Variants in CHCHD6 observed in about 807,000 individuals in gnomAD.
The protein encoded by CHCHD6 is MICOS complex subunit MIC25.
Under a neutral mutation model 32.3 loss-of-function variants are expected in CHCHD6, and 28 were observed. The observed-to-expected ratio is 0.87, with a 90% CI of 0.64 to 1.19. The LOEUF is 1.19. Among genes scored for constraint, CHCHD6 ranks in the 50% most tolerant of loss-of-function variants. The pLI is 0.00. For missense variants in CHCHD6, 333 were observed against 307.0 expected (o/e 1.08, Z -0.63); for synonymous variants, 122 against 117.5 (o/e 1.04, Z -0.25).
intron 4 of CHCHD6, among the ~76,000 whole-genome samples, chr3:126,740,539 C>G (rs1343564580): frequency 1.3e-5 from 2 of 152,222 alleles, no homozygotes; most frequent in Non-Finnish European, 2.9e-5. Flanking sequence ...ACTGACCTCA[C>G]TCCTGCTCTG....
At chr3:126,880,875 G>A (rs2077599417) in intron 5 of CHCHD6, among the ~76,000 whole-genome samples, 1 of 152,186 alleles carries the variant, frequency 6.6e-6, no homozygotes, top group Non-Finnish European at 1.5e-5. Context: ...TCCTTGCCTC[G>A]GTTTCTGACA....
chr3:126,792,622 T>C (rs1938608283), intron 4 of CHCHD6, among the ~76,000 whole-genome samples: 1 of 152,216 alleles, frequency 6.6e-6, no homozygotes, highest in African/African-American at 2.4e-5. Context: ...GATAACATAT[T>C]TTAACAATTT....
chr3:126,805,230 G>A (rs1437860111), intron 4 of CHCHD6, among the ~76,000 whole-genome samples: 1 of 152,152 alleles, frequency 6.6e-6, no homozygotes, highest in Non-Finnish European at 1.5e-5. Flanking sequence ...GAAATAAAGG[G>A]TATTCAGTTA....
chr3:126,788,503 G>T (rs143810542), intron 4 of CHCHD6, among the ~76,000 whole-genome samples: 18 of 152,234 alleles, frequency 1.2e-4, no homozygotes, highest in Admixed American at 1.3e-4. Flanking sequence ...CAATTTCAGA[G>T]CCTGTTATTG....
chr3:126,823,525 C>T (rs889649039), intron 4 of CHCHD6, among the ~76,000 whole-genome samples: 7 of 151,802 alleles, frequency 4.6e-5, no homozygotes, highest in Non-Finnish European at 7.4e-5. Flanking sequence ...TTTTTTATTT[C>T]TTGTTAGTAT....
chr3:126,815,645 C>T (rs374533719), intron 4 of CHCHD6, among the ~76,000 whole-genome samples: 7 of 60,038 alleles, frequency 1.2e-4, no homozygotes, highest in African/African-American at 2.5e-4. Flanking sequence ...GGGTTCTTGC[C>T]CCCCCCCCCC....
intron 5 of CHCHD6, among the ~76,000 whole-genome samples, chr3:126,864,932 CCTCCTCCTCCACCATCAT>C (rs1398809841): frequency 7.2e-5 from 8 of 110,774 alleles, no homozygotes; most frequent in East Asian, 6.0e-4. Context: ...TCCACCATCA[CCTCCTCCTCCACCATCAT>C]CTCCTCCTCC....
At chr3:126,864,665 C>T (rs1942175696) in intron 5 of CHCHD6, among the ~76,000 whole-genome samples, 1 of 147,720 alleles carries the variant, frequency 6.8e-6, no homozygotes, top group Middle Eastern at 3.9e-3. Flanking sequence ...TCCTCCACCT[C>T]CTCCACCATC....
At chr3:126,766,252 G>T (rs946772841) in intron 4 of CHCHD6, among the ~76,000 whole-genome samples, 2 of 152,140 alleles carry the variant, frequency 1.3e-5, no homozygotes, top group African/African-American at 4.8e-5. Flanking sequence ...ACTTTGGAAA[G>T]CATACAGAAC....
chr3:126,747,807 C>T (rs1306381136), intron 4 of CHCHD6, among the ~76,000 whole-genome samples: 1 of 152,208 alleles, frequency 6.6e-6, no homozygotes, highest in Non-Finnish European at 1.5e-5. Flanking sequence ...TGGATTCCAG[C>T]CTTGGGTGAA....
chr3:126,753,033 C>G lies in CHCHD6; in HGVS notation c.411+19811C>G, dbSNP rs1052764322. ...ACTGCTTCCCCAGCTGGCAGAGGGG[C>G]GGGGGATAGGAGGATTCCTTGCACT... On this transcript the variant is annotated intron_variant, in intron 4 of 7. Coordinates refer to ENST00000290913, the MANE Select transcript of CHCHD6 (RefSeq NM_032343.3). Among the ~76,000 whole-genome samples the G allele has an allele frequency of 2.0e-5, 3 of 152,142 alleles. No individual in the cohort carries two copies. The East Asian group carries it at 5.8e-4, about 29-fold the overall frequency.
At chr3:126,785,876 G>C (rs979216100) in intron 4 of CHCHD6, among the ~76,000 whole-genome samples, 10 of 152,014 alleles carry the variant, frequency 6.6e-5, no homozygotes, top group Admixed American at 5.9e-4. Context: ...TGTGCACAAC[G>C]TGCAGGTTTG....
chr3:126,823,661 T>C (rs1940250482), intron 4 of CHCHD6, among the ~76,000 whole-genome samples: 2 of 152,204 alleles, frequency 1.3e-5, no homozygotes, highest in Admixed American at 1.3e-4. Flanking sequence ...CAATTTTACT[T>C]TTTTTCTTCC....
intron 5 of CHCHD6, among the ~76,000 whole-genome samples, chr3:126,857,523 G>A (rs1034994573): frequency 1.3e-5 from 2 of 152,062 alleles, no homozygotes; most frequent in Non-Finnish European, 2.9e-5. Context: ...ATCTGATCCC[G>A]AGAGCCCTGC....
intron 4 of CHCHD6, among the ~76,000 whole-genome samples, chr3:126,808,972 C>CT (rs60330898): frequency 0.45 from 66,766 of 149,850 alleles, 15,967 homozygotes; most frequent in African/African-American, 0.64. Context: ...TTTGAGTGGT[C>CT]TTTTTTTTTT....
intron 6 of CHCHD6, among the ~76,000 whole-genome samples, chr3:126,955,325 C>T (rs2078768141): frequency 6.6e-6 from 1 of 152,276 alleles, no homozygotes; most frequent in Admixed American, 6.5e-5. Context: ...GAGGACTGCA[C>T]ACCAGGGGCT....
At chr3:126,945,314 C>T (rs545972718) in intron 6 of CHCHD6, among the ~76,000 whole-genome samples, 13 of 152,130 alleles carry the variant, frequency 8.5e-5, no homozygotes, top group East Asian at 3.9e-4. Context: ...TGGGGGGCGC[C>T]ATCCTCTGGG....
intron 4 of CHCHD6, among the ~76,000 whole-genome samples, chr3:126,777,650 A>T (rs1937713198): frequency 6.6e-6 from 1 of 152,230 alleles, no homozygotes; most frequent in Non-Finnish European, 1.5e-5. Flanking sequence ...GCATGGCCAT[A>T]GGTGGCAGCC....
intron 5 of CHCHD6, among the ~76,000 whole-genome samples, chr3:126,895,389 C>A (rs1217370563): frequency 6.6e-6 from 1 of 152,200 alleles, no homozygotes. Context: ...GGCTGCATTT[C>A]ATCAGCAGCA....
Sources: gnomAD v4.1 joint callset for allele counts (sites outside exome capture counted in the v4.1 genomes callset) on GRCh38, gnomAD v4.1.1 for gene constraint, MANE v1.5 for transcripts, NCBI Gene and HGNC (gene_info 2026-07-23, HGNC 2026-07-21) for gene names.